Variants in VDR observed in about 807,000 individuals in gnomAD.
VDR encodes the protein vitamin D3 receptor.
Under a neutral mutation model 39.7 loss-of-function variants are expected in VDR, and 19 were observed. That is an observed-to-expected ratio of 0.48 (90% CI 0.33 to 0.70). The LOEUF (loss-of-function observed/expected upper bound fraction) is 0.70. VDR is among the 30% of genes least tolerant of loss of function. VDR has a pLI of 0.02. For missense variants in VDR, 442 were observed against 570.5 expected (o/e 0.77, Z 2.29); for synonymous variants, 242 against 215.8 (o/e 1.12, Z -1.07).
chr12:47,852,292 T>C (rs149643203), intron 7 of VDR, among the ~76,000 whole-genome samples: 4 of 152,178 alleles, frequency 2.6e-5, no homozygotes, highest in African/African-American at 9.6e-5. Context: ...GACTGCTGCC[T>C]GACATGAGGA....
chr12:47,886,133 A>G (rs971437830), intron 1 of VDR, among the ~76,000 whole-genome samples: 9 of 152,272 alleles, frequency 5.9e-5, no homozygotes, highest in African/African-American at 2.2e-4. Flanking sequence ...ATTTCCCCAC[A>G]GAGTGGGAGA....
chr12:47,853,096 T>C (rs1433636947), intron 7 of VDR, among the ~76,000 whole-genome samples: 1 of 152,228 alleles, frequency 6.6e-6, no homozygotes, highest in Non-Finnish European at 1.5e-5. Context: ...GATACAAATA[T>C]ACATAAATAT....
At chr12:47,855,355 T>TAA (rs1350066699) in intron 7 of VDR, among the ~76,000 whole-genome samples, 1 of 147,362 alleles carries the variant, frequency 6.8e-6, no homozygotes, top group Non-Finnish European at 1.5e-5. Context: ...AATAAATAAA[T>TAA]AAATAAATAA....
intron 9 of VDR, 123 bp from the exon 10 acceptor site, chr12:47,845,128 T>A: frequency 6.9e-7 from 1 of 1,452,078 alleles, no homozygotes; most frequent in Non-Finnish European, 9.4e-7. Context: ...CACCCCTCTA[T>A]GACTGCTGAC....
chr12:47,853,098 C>T (rs1364464852), intron 7 of VDR, among the ~76,000 whole-genome samples: 3 of 152,148 alleles, frequency 2.0e-5, no homozygotes, highest in African/African-American at 7.2e-5. Context: ...TACAAATATA[C>T]ATAAATATAG....
At chr12:47,864,539 G>A (rs1221323938) in intron 4 of VDR, among the ~76,000 whole-genome samples, 1 of 152,132 alleles carries the variant, frequency 6.6e-6, no homozygotes, top group Non-Finnish European at 1.5e-5. Flanking sequence ...GGCTGGGGTG[G>A]GACAGAACGT....
chr12:47,890,520 C>T (rs555899243), intron 1 of VDR, among the ~76,000 whole-genome samples: 124 of 152,194 alleles, frequency 8.1e-4, no homozygotes, highest in African/African-American at 2.8e-3. Flanking sequence ...ACTGGAATGA[C>T]TAGAGCCCCA....
At chr12:47,886,859 C>T (rs1386819889) in intron 1 of VDR, among the ~76,000 whole-genome samples, 1 of 152,222 alleles carries the variant, frequency 6.6e-6, no homozygotes, top group Non-Finnish European at 1.5e-5. Context: ...GCTTAGAAAG[C>T]TCTGTATCAT....
At chr12:47,881,720 G>C (rs766014379) in intron 2 of VDR, among the ~76,000 whole-genome samples, 3 of 152,112 alleles carry the variant, frequency 2.0e-5, no homozygotes, top group Non-Finnish European at 4.4e-5. Flanking sequence ...ATTAAAAATA[G>C]AAAAAGTGCT....
At chr12:47,889,795 A>G (rs992737685) in intron 1 of VDR, among the ~76,000 whole-genome samples, 1 of 152,186 alleles carries the variant, frequency 6.6e-6, no homozygotes, top group Admixed American at 6.5e-5. Context: ...TGATGGCTAA[A>G]TGGGATTTTC....
chr12:47,854,516 C>T (rs11574099), intron 7 of VDR, among the ~76,000 whole-genome samples: 4,664 of 152,316 alleles, frequency 0.031, 95 homozygotes, highest in Middle Eastern at 0.058. Context: ...TAGACTGTTT[C>T]ACAAGTCTAC....
rs1475778634 is a variant in VDR at position 47,873,421 on chromosome 12, C to T, written c.146+5547G>A. On this transcript the variant is annotated intron_variant, in intron 3 of 9. Coordinates refer to ENST00000549336, the MANE Select transcript of VDR (RefSeq NM_000376.3). ...TGTCGCCCACGCTGGAGTGCAGTGG[C>T]GCAATCTCGGCTCACTGCAGCCTCC... is the stretch of plus-strand genomic sequence containing the variant. 3.9e-5 allele frequency among the ~76,000 whole-genome samples: 5 copies of T among 127,148 alleles called. No homozygotes were observed. The Admixed American group carries it at 4.6e-4, about 12-fold the overall frequency. The allele number at this position is 127,148 out of a possible 152,430, so 83.4% of individuals were successfully genotyped here. A position where few individuals can be genotyped will look rare whatever the true frequency, so the allele number is the denominator to read the frequency against.
chr12:47,888,233 A>C (rs1377883819), intron 1 of VDR, among the ~76,000 whole-genome samples: 2 of 152,174 alleles, frequency 1.3e-5, no homozygotes, highest in African/African-American at 4.8e-5. Context: ...GGCCCCCATG[A>C]TTCAATTACC....
chr12:47,871,286 C>CCCTT (rs1945852365), intron 3 of VDR, among the ~76,000 whole-genome samples: 1 of 134,134 alleles, frequency 7.5e-6, no homozygotes, highest in Admixed American at 7.7e-5. Flanking sequence ...CTCTTTCTTT[C>CCCTT]TCTTTCTCTT....
rs548417517 is a variant in VDR, at chr12:47,889,330, G to T, written c.-83-6556C>A. ...GGGGTAGGAATGGGCCATGGAAGCTGGTGTGTACTCTCCCTTTGGGGCTGA... is the reference window on the plus strand; with the variant it reads ...GGGGTAGGAATGGGCCATGGAAGCTTGTGTGTACTCTCCCTTTGGGGCTGA... On this transcript the variant is annotated intron_variant, in intron 1 of 9. Transcript: ENST00000549336. 2.4e-3 allele frequency among the ~76,000 whole-genome samples: 369 copies of T among 152,226 alleles called. 3 individuals are homozygous for T. The highest frequency in any genetic ancestry group is 0.011 in the South Asian group (51 of 4,818).
chr12:47,865,341 A>G lies in VDR; in HGVS notation c.147-164T>C, dbSNP rs142161130. 0.021 allele frequency among the ~76,000 whole-genome samples: 3,127 copies of G among 152,068 alleles called. 49 individuals are homozygous for G. The highest frequency in any genetic ancestry group is 0.032 in the Non-Finnish European group (2,192 of 67,978). ...ACTCTCACCTCTAGGCTGGGCACCA[A>G]ACGATTCCTACTTCTCCTTTCATTG... On this transcript the variant is annotated intron_variant, in intron 3 of 9. Coordinates refer to ENST00000549336, the MANE Select transcript of VDR (RefSeq NM_000376.3).
At chr12:47,859,474 C>G (rs959391415) in intron 4 of VDR, among the ~76,000 whole-genome samples, 1 of 152,204 alleles carries the variant, frequency 6.6e-6, no homozygotes, top group Admixed American at 6.5e-5. Flanking sequence ...CCCTGCATTT[C>G]CAGTTGTGCT....
At chr12:47,869,860 G>A (rs1945815979) in intron 3 of VDR, among the ~76,000 whole-genome samples, 1 of 152,202 alleles carries the variant, frequency 6.6e-6, no homozygotes, top group African/African-American at 2.4e-5. Context: ...TTGTGCCACT[G>A]CACTTCAGTG....
At chr12:47,846,938 C>A (rs2137123493) in intron 7 of VDR, 130 bp from the exon 8 acceptor site, 1 of 1,081,106 alleles carries the variant, frequency 9.2e-7, no homozygotes, top group Non-Finnish European at 1.4e-6. Flanking sequence ...CATCGAGGAG[C>A]TTGCAGGCTG....
Sources: allele counts gnomAD v4.1 joint callset (sites outside exome capture counted in the v4.1 genomes callset), GRCh38; gene constraint gnomAD v4.1.1; transcripts MANE v1.5; gene names NCBI Gene and HGNC (gene_info 2026-07-23, HGNC 2026-07-21).